Variants in UBE2E3 observed in about 807,000 individuals in gnomAD.
The protein encoded by UBE2E3 is ubiquitin conjugating enzyme E2 E3, also known as ubiquitin-conjugating enzyme E2 E3.
UBE2E3 carries 5 observed loss-of-function variants against 23.6 expected under a neutral mutation model. The ratio of observed to expected loss-of-function variants is 0.21; its 90% CI spans 0.11 to 0.44. The LOEUF (loss-of-function observed/expected upper bound fraction) is 0.44. UBE2E3 is among the 20% of genes least tolerant of loss of function. UBE2E3 has a pLI of 0.99. For synonymous variants in UBE2E3, 78 were observed against 87.5 expected, an observed-to-expected ratio of 0.89 and a Z score of 0.60; for missense variants, 81 against 249.8, an observed-to-expected ratio of 0.32 and a Z score of 4.55.
chr2:181,024,795 A>C (rs2105633871), intron 3 of UBE2E3, among the ~76,000 whole-genome samples: 1 of 152,170 alleles, frequency 6.6e-6, no homozygotes, highest in South Asian at 2.1e-4. Flanking sequence ...TAAAAACCAA[A>C]TATGTGATCT....
intron 3 of UBE2E3, among the ~76,000 whole-genome samples, chr2:181,021,571 C>T (rs1685685021): frequency 1.1e-5 from 1 of 90,886 alleles, no homozygotes; most frequent in Non-Finnish European, 2.3e-5. Flanking sequence ...TTCCTTCCTT[C>T]CTCCCTCCCT....
intron 3 of UBE2E3, among the ~76,000 whole-genome samples, chr2:181,020,262 C>T: frequency 6.6e-6 from 1 of 152,124 alleles, no homozygotes; most frequent in East Asian, 1.9e-4. Context: ...CCTCTATTAG[C>T]TTGTGTTTTT....
rs576667857 is a variant in UBE2E3, at chr2:180,996,404, T to G, written c.245+12311T>G. The stretch of plus-strand genomic sequence containing the variant: ...TTTGAATTAAACTGAGGGGGTAGTT[T>G]AAGGTAGAACGCAAACCTTTATCAG... On this transcript the variant is annotated intron_variant, in intron 3 of 5. Coordinates refer to ENST00000410062, the MANE Select transcript of UBE2E3 (RefSeq NM_006357.4). Among the ~76,000 whole-genome samples the G allele has an allele frequency of 2.6e-5, 4 of 152,354 alleles. No individual in the cohort carries two copies. In the South Asian group the frequency reaches 8.3e-4, roughly 32 times the overall value.
At chr2:181,040,830 C>T (rs1686467034) in intron 3 of UBE2E3, among the ~76,000 whole-genome samples, 1 of 152,084 alleles carries the variant, frequency 6.6e-6, no homozygotes, top group South Asian at 2.1e-4. Flanking sequence ...ATTGTTAGAT[C>T]CAGAGAGTTA....
At chr2:181,025,654 A>G (rs1262884972) in intron 3 of UBE2E3, among the ~76,000 whole-genome samples, 1 of 151,934 alleles carries the variant, frequency 6.6e-6, no homozygotes, top group Non-Finnish European at 1.5e-5. Context: ...ATATAGGGCC[A>G]TTATTAATTT....
intron 3 of UBE2E3, among the ~76,000 whole-genome samples, chr2:181,020,704 A>G (rs1168478040): frequency 6.6e-6 from 1 of 152,224 alleles, no homozygotes; most frequent in Non-Finnish European, 1.5e-5. Context: ...GAATGCCTAA[A>G]CTAGTCTTCA....
At chr2:181,029,568 G>C (rs1401129) in intron 3 of UBE2E3, among the ~76,000 whole-genome samples, 1 of 146,662 alleles carries the variant, frequency 6.8e-6, no homozygotes, top group Non-Finnish European at 1.5e-5. Flanking sequence ...CTAAAAACTT[G>C]TTTTTTATCT....
chr2:181,023,254 T>A (rs1302342458), intron 3 of UBE2E3, among the ~76,000 whole-genome samples: 1 of 152,224 alleles, frequency 6.6e-6, no homozygotes, highest in East Asian at 1.9e-4. Context: ...GAGAATTGAC[T>A]GTATGCTGAA....
intron 3 of UBE2E3, among the ~76,000 whole-genome samples, chr2:181,012,899 A>G (rs1685377915): frequency 6.6e-6 from 1 of 152,158 alleles, no homozygotes. Context: ...TGTGTTAGAC[A>G]TTGCTTGGTA....
At chr2:181,021,847 C>T (rs1685713578) in intron 3 of UBE2E3, among the ~76,000 whole-genome samples, 1 of 151,764 alleles carries the variant, frequency 6.6e-6, no homozygotes, top group Non-Finnish European at 1.5e-5. Context: ...TTGGAAAATA[C>T]TTCTGGGTTT....
intron 5 of UBE2E3, among the ~76,000 whole-genome samples, chr2:181,061,579 T>C (rs916987567): frequency 5.3e-5 from 8 of 151,572 alleles, no homozygotes; most frequent in African/African-American, 1.7e-4. Flanking sequence ...TAAAGTGTAG[T>C]AGTAATGGAT....
chr2:180,995,825 A>G (rs1199794318), intron 3 of UBE2E3, among the ~76,000 whole-genome samples: 1 of 151,614 alleles, frequency 6.6e-6, no homozygotes, highest in Non-Finnish European at 1.5e-5. Context: ...CTTTTCTATC[A>G]AAAGGCACCT....
rs1684268208 is a variant in UBE2E3 at position 180,981,000 on chromosome 2, G to T, written c.-26+27G>T. 6.8e-6 allele frequency: 1 copy of T among 146,954 alleles called. No homozygotes were observed. Among genetic ancestry groups the T allele is most frequent in the East Asian group, 2.0e-4 (1 of 5,072 alleles). 9.1% of individuals were successfully genotyped at this position (146,954 alleles called of 1,614,324 possible). A position where few individuals can be genotyped will look rare whatever the true frequency, so the allele number is the denominator to read the frequency against. On this transcript the variant is annotated intron_variant, in intron 1 of 5. Coordinates refer to ENST00000410062, the MANE Select transcript of UBE2E3 (RefSeq NM_006357.4). The surrounding 1 kb of genome is among the most constrained non-coding windows in gnomAD (Gnocchi z 5.5). ...TAAGGCGGCGGGGCCGGGGGGCCGC[G>T]TGGGGGGCGGCCGGGGCGGCGGCGG...
chr2:181,031,804 C>T (rs1216633024), intron 3 of UBE2E3, among the ~76,000 whole-genome samples: 2 of 152,078 alleles, frequency 1.3e-5, no homozygotes, highest in African/African-American at 2.4e-5. Flanking sequence ...AAAAAGAAGT[C>T]GTAAGTTAAT....
intron 3 of UBE2E3, among the ~76,000 whole-genome samples, chr2:180,992,413 A>C (rs1385946977): frequency 6.6e-6 from 1 of 152,194 alleles, no homozygotes; most frequent in Non-Finnish European, 1.5e-5. Context: ...GGAGATGTTA[A>C]ATTTTTCTGG....
intron 3 of UBE2E3, among the ~76,000 whole-genome samples, chr2:181,055,611 A>G (rs13418807): frequency 0.04 from 6,029 of 151,852 alleles, 182 homozygotes; most frequent in African/African-American, 0.075. Context: ...TAATCATACT[A>G]CCATAGCTTC....
chr2:181,006,886 T>TA (rs918327685), intron 3 of UBE2E3, among the ~76,000 whole-genome samples: 17 of 152,334 alleles, frequency 1.1e-4, no homozygotes, highest in African/African-American at 3.6e-4. Flanking sequence ...TAAAATTACT[T>TA]AAACATTTTC....
chr2:180,985,983 A>T (rs1353158573), intron 3 of UBE2E3, among the ~76,000 whole-genome samples: 7 of 152,102 alleles, frequency 4.6e-5, no homozygotes, highest in African/African-American at 1.4e-4. Context: ...TTTTAGAGGG[A>T]GTAGAATCTT....
chr2:181,019,002 C>T (rs1024247046), intron 3 of UBE2E3, among the ~76,000 whole-genome samples: 8 of 151,914 alleles, frequency 5.3e-5, no homozygotes, highest in East Asian at 1.9e-4. Context: ...TTGCTCTTGT[C>T]GCCCAGGCTG....
Sources: gnomAD v4.1 joint callset for allele counts (sites outside exome capture counted in the v4.1 genomes callset) on GRCh38, gnomAD v4.1.1 for gene constraint, Gnocchi (gnomAD v3.1) non-coding constraint, MANE v1.5 for transcripts, NCBI Gene and HGNC (gene_info 2026-07-23, HGNC 2026-07-21) for gene names.